Variants in TMCC1 observed in about 807,000 individuals in gnomAD.
TMCC1 encodes transmembrane and coiled-coil domains protein 1.
In TMCC1, 15 loss-of-function variants were observed where a neutral mutation model predicts 52.4. That is an observed-to-expected ratio of 0.29 (90% confidence interval 0.19 to 0.44). The LOEUF (loss-of-function observed/expected upper bound fraction) is 0.44, where lower values mean the gene tolerates loss of function less well. Ranked by LOEUF, TMCC1 falls within the 20% of genes least tolerant of loss-of-function variation. The probability of loss-of-function intolerance (pLI) is 1.00; values close to 1 mark genes in which losing one functional copy is unlikely to be tolerated. For synonymous variants in TMCC1, 279 were observed against 301.9 expected (o/e 0.92, Z 0.79); for missense variants, 503 against 806.0 (o/e 0.62, Z 4.55).
At chr3:129,803,223 T>C (rs1576911159) in intron 4 of TMCC1, among the ~76,000 whole-genome samples, 1 of 152,320 alleles carries the variant, frequency 6.6e-6, no homozygotes, top group South Asian at 2.1e-4. Context: ...ACAACATGAA[T>C]GAACCTTGAG....
At chr3:129,772,218 C>A (rs2054646110) in intron 4 of TMCC1, among the ~76,000 whole-genome samples, 1 of 151,940 alleles carries the variant, frequency 6.6e-6, no homozygotes, top group South Asian at 2.1e-4. Context: ...GTTAACTGAG[C>A]ATGGTAGTGG....
At chr3:129,835,321 A>T (rs1345260710) in intron 2 of TMCC1, among the ~76,000 whole-genome samples, 2 of 146,396 alleles carry the variant, frequency 1.4e-5, no homozygotes, top group African/African-American at 2.6e-5. Flanking sequence ...GGTTTCTCTC[A>T]CTCTTTCATA....
At chr3:129,680,992 T>C (rs2088924760) in intron 4 of TMCC1, among the ~76,000 whole-genome samples, 1 of 152,080 alleles carries the variant, frequency 6.6e-6, no homozygotes, top group African/African-American at 2.4e-5. Flanking sequence ...TAACTATGTA[T>C]ATGCAAAGTA....
chr3:129,806,157 T>C (rs1576921438), intron 4 of TMCC1, among the ~76,000 whole-genome samples: 1 of 152,280 alleles, frequency 6.6e-6, no homozygotes, highest in East Asian at 1.9e-4. Context: ...GAAGTTCTAT[T>C]CTAATACAAG....
At chr3:129,736,071 T>C (rs2050936359) in intron 4 of TMCC1, among the ~76,000 whole-genome samples, 2 of 152,220 alleles carry the variant, frequency 1.3e-5, no homozygotes, top group African/African-American at 2.4e-5. Flanking sequence ...CTCTTCTGGC[T>C]CTCATATGAC....
chr3:129,838,642 A>G (rs2107859974), intron 2 of TMCC1, among the ~76,000 whole-genome samples: 1 of 148,014 alleles, frequency 6.8e-6, no homozygotes, highest in Non-Finnish European at 1.5e-5. Flanking sequence ...AATCCCAGCT[A>G]CTCAGGAGGC....
intron 4 of TMCC1, among the ~76,000 whole-genome samples, chr3:129,792,471 C>T (rs1049871014): frequency 6.6e-6 from 1 of 152,076 alleles, no homozygotes; most frequent in African/African-American, 2.4e-5. Context: ...CGTCGTCAGC[C>T]TCCCAAGTAG....
At chr3:129,728,992 T>G (rs753765185) in intron 4 of TMCC1, among the ~76,000 whole-genome samples, 3 of 152,188 alleles carry the variant, frequency 2.0e-5, no homozygotes, top group African/African-American at 7.2e-5. Flanking sequence ...ATGGTTTCCA[T>G]TTTTTAGCAA....
intron 4 of TMCC1, among the ~76,000 whole-genome samples, chr3:129,703,038 A>C (rs1338497756): frequency 6.6e-6 from 1 of 152,082 alleles, no homozygotes; most frequent in Non-Finnish European, 1.5e-5. Context: ...TAAAAGAAAA[A>C]CCACAAGGAT....
intron 1 of TMCC1, among the ~76,000 whole-genome samples, chr3:129,884,081 T>C (rs1003517246): frequency 2.0e-5 from 3 of 151,976 alleles, no homozygotes; most frequent in African/African-American, 4.8e-5. Context: ...TAAAAACAAA[T>C]TAAAGTCTTC....
chr3:129,827,252 GT>G (rs2058698042), intron 4 of TMCC1, among the ~76,000 whole-genome samples: 1 of 147,954 alleles, frequency 6.8e-6, no homozygotes, highest in Non-Finnish European at 1.5e-5. Flanking sequence ...AATATGCCTG[GT>G]TTTGGGTAAA....
chr3:129,783,970 G>A (rs1455458015), intron 4 of TMCC1, among the ~76,000 whole-genome samples: 1 of 152,200 alleles, frequency 6.6e-6, no homozygotes, highest in East Asian at 1.9e-4. Flanking sequence ...TCTTTCTGAA[G>A]ATTCAACAAA....
In TMCC1 at chr3:129,736,157, T is replaced by C. The variant is rs959408416; in HGVS notation, c.577-64893A>G. Among the ~76,000 whole-genome samples the C allele has an allele frequency of 1.3e-5, 2 of 152,204 alleles. 1 individual carries two copies. Among genetic ancestry groups the C allele is most frequent in the East Asian group, 3.8e-4 (2 of 5,202 alleles). ...CAAAAATCTGCTGGGTCACCTGAGT[T>C]AAGGCTGTGGATCTCGTGCAGGGAT... On this transcript the variant is annotated intron_variant, in intron 4 of 6. Coordinates refer to ENST00000393238, the MANE Select transcript of TMCC1 (RefSeq NM_001017395.5).
chr3:129,759,118 GA>G (rs2053269090), intron 4 of TMCC1, among the ~76,000 whole-genome samples: 1 of 152,140 alleles, frequency 6.6e-6, no homozygotes, highest in Admixed American at 6.6e-5. Context: ...GTGCTAGTGT[GA>G]ACATGGAAGG....
chr3:129,821,937 C>T (rs867771788), intron 4 of TMCC1, among the ~76,000 whole-genome samples: 2 of 152,090 alleles, frequency 1.3e-5, no homozygotes, highest in Non-Finnish European at 2.9e-5. Context: ...GTGGCACTCA[C>T]CTGTGGTCCC....
intron 2 of TMCC1, among the ~76,000 whole-genome samples, chr3:129,857,614 T>G (rs1577107936): frequency 6.6e-6 from 1 of 152,026 alleles, no homozygotes; most frequent in East Asian, 1.9e-4. Flanking sequence ...CAGGCTGGAG[T>G]GCAGTGGTGC....
intron 4 of TMCC1, among the ~76,000 whole-genome samples, chr3:129,798,177 G>A (rs965561035): frequency 6.6e-6 from 1 of 151,580 alleles, no homozygotes. Context: ...TGTATTTTTA[G>A]TAGACATGGG....
intron 2 of TMCC1, among the ~76,000 whole-genome samples, chr3:129,864,766 T>C (rs1287759736): frequency 6.6e-6 from 1 of 152,208 alleles, no homozygotes; most frequent in Non-Finnish European, 1.5e-5. Context: ...AAAAGAATTT[T>C]AACTGTCAAT....
intron 4 of TMCC1, among the ~76,000 whole-genome samples, chr3:129,797,956 G>A (rs919801248): frequency 6.7e-6 from 1 of 148,972 alleles, no homozygotes; most frequent in African/African-American, 2.5e-5. Context: ...CAAGTGGAAA[G>A]TAGGTTGACA....
Sources: allele counts gnomAD v4.1 joint callset (sites outside exome capture counted in the v4.1 genomes callset), GRCh38; gene constraint gnomAD v4.1.1; transcripts MANE v1.5; gene names NCBI Gene and HGNC (gene_info 2026-07-23, HGNC 2026-07-21).